Variants in P4HA1 observed in about 807,000 individuals in gnomAD.
P4HA1 encodes the protein prolyl 4-hydroxylase subunit alpha-1.
Under a neutral mutation model 72.8 loss-of-function variants are expected in P4HA1, and 24 were observed. That is an observed-to-expected ratio of 0.33 (90% confidence interval 0.24 to 0.46). The LOEUF (loss-of-function observed/expected upper bound fraction) is 0.46, where lower values mean the gene tolerates loss of function less well. Ranked by LOEUF, P4HA1 falls within the 20% of genes least tolerant of loss-of-function variation. P4HA1 has a pLI of 1.00. For missense variants in P4HA1, 446 were observed against 640.6 expected (o/e 0.70, Z 3.28); for synonymous variants, 201 against 218.8 (o/e 0.92, Z 0.72).
At chr10:73,078,233 A>G (rs1004398396) in intron 1 of P4HA1, among the ~76,000 whole-genome samples, 1 of 152,196 alleles carries the variant, frequency 6.6e-6, no homozygotes, top group Non-Finnish European at 1.5e-5. Context: ...TAGTTAGCTC[A>G]ACAAAAAATG....
chr10:73,060,782 A>G (rs970766314), intron 5 of P4HA1, among the ~76,000 whole-genome samples: 3 of 152,222 alleles, frequency 2.0e-5, no homozygotes, highest in African/African-American at 7.2e-5. Context: ...ATCTGAGATC[A>G]AAGTAATACT....
At chr10:73,093,121 T>TA (rs200388165) in intron 1 of P4HA1, among the ~76,000 whole-genome samples, 4,123 of 135,320 alleles carry the variant, frequency 0.03, 78 homozygotes, top group East Asian at 0.048. Flanking sequence ...TCCTATCTCT[T>TA]AAAAAAAAAA....
chr10:73,073,808 G>A lies in P4HA1; in HGVS notation c.96C>T (p.Ile32=), dbSNP rs773283663. The A allele has an allele frequency of 1.9e-6, 3 of 1,559,222 alleles. No homozygotes were observed. The highest frequency in any genetic ancestry group is 8.8e-7 in the Non-Finnish European group (1 of 1,130,940). Reference sequence around the variant, plus strand: ...AAGTCACCAGATCTTTCTCAGTATGGATCAAATCAGTCATCTGACCTAGAA... The same window carrying A: ...AAGTCACCAGATCTTTCTCAGTATGAATCAAATCAGTCATCTGACCTAGAA... ...FTSIGQMTDL[I]HTEKDLVTSL... is the part of the protein sequence containing the mutation. Residue 32 remains isoleucine, a synonymous_variant, in exon 3 of 15, where the codon ATC becomes ATT. Coordinates refer to ENST00000394890, the MANE Select transcript of P4HA1 (RefSeq NM_001017962.3).
intron 1 of P4HA1, among the ~76,000 whole-genome samples, chr10:73,084,932 G>C (rs1209480018): frequency 6.6e-6 from 1 of 152,116 alleles, no homozygotes; most frequent in African/African-American, 2.4e-5. Context: ...TTGAGCTCAA[G>C]AGTTCGAGAC....
In P4HA1 at chr10:73,028,307, AACACACACACACACACACACACACAC is replaced by A. The variant is rs10561551; in HGVS notation, c.1248+1938_1248+1963del. Reference sequence around the variant, plus strand: ...ATGGCATCAAACCGTGTCACTGTAAAACACACACACACACACACACACACACACACACACACACAAAATACATTTTT... The same window carrying A: ...ATGGCATCAAACCGTGTCACTGTAAAACACACACACACAAAATACATTTTT... On this transcript the variant is annotated intron_variant, in intron 10 of 14. Transcript: ENST00000394890. Among the ~76,000 whole-genome samples, 8 of 143,760 alleles carry A rather than the reference AACACACACACACACACACACACACAC, an allele frequency of 5.6e-5. No homozygotes were observed. The South Asian group carries it at 1.6e-3, about 28-fold the overall frequency. The allele number at this position is 143,760 out of a possible 152,430, so 94.3% of individuals were successfully genotyped here. A position where few individuals can be genotyped will look rare whatever the true frequency, so the allele number is the denominator to read the frequency against.
intron 9 of P4HA1, among the ~76,000 whole-genome samples, chr10:73,041,324 C>T (rs1840727644): frequency 6.6e-6 from 1 of 152,002 alleles, no homozygotes; most frequent in Non-Finnish European, 1.5e-5. Flanking sequence ...GCAGGCGGGT[C>T]ACGAGGTCAG....
chr10:73,024,792 A>G (rs1166334665), intron 10 of P4HA1, among the ~76,000 whole-genome samples: 2 of 152,250 alleles, frequency 1.3e-5, no homozygotes, highest in Non-Finnish European at 2.9e-5. Flanking sequence ...GACACAGTAA[A>G]AAATGATAAA....
At chr10:73,016,922 GAAAGA>G (rs778195602) in intron 10 of P4HA1, 23 bp from the exon 11 acceptor site, 1 of 1,590,064 alleles carries the variant, frequency 6.3e-7, no homozygotes, top group Admixed American at 1.7e-5. Context: ...CACAAAGCAT[GAAAGA>G]AAAGAACTAT....
At chr10:73,056,289 T>C (rs1030660748) in intron 5 of P4HA1, among the ~76,000 whole-genome samples, 3 of 152,148 alleles carry the variant, frequency 2.0e-5, no homozygotes, top group Non-Finnish European at 4.4e-5. Flanking sequence ...ATAATTTCAA[T>C]GCTATAGAGA....
At chr10:73,061,321 T>C (rs1251753889) in intron 5 of P4HA1, among the ~76,000 whole-genome samples, 1 of 151,974 alleles carries the variant, frequency 6.6e-6, no homozygotes, top group Non-Finnish European at 1.5e-5. Flanking sequence ...GTAGGAAACA[T>C]AGGCATTAAA....
rs957109532 is a variant in P4HA1 at position 73,041,541 on chromosome 10, C to T, written c.1148+3440G>A. Among the ~76,000 whole-genome samples the T allele has an allele frequency of 1.6e-4, 23 of 146,004 alleles. No individual in the cohort carries two copies. The South Asian group carries it at 4.7e-3, about 30-fold the overall frequency. Reference sequence around the variant, plus strand: ...GGGGGCGACAGAGCAAGACTCCATCCCCCCCCCAAAAAAAAAAAAAAAGAA... The same window carrying T: ...GGGGGCGACAGAGCAAGACTCCATCTCCCCCCCAAAAAAAAAAAAAAAGAA... On this transcript the variant is annotated intron_variant, in intron 9 of 14. Transcript: ENST00000394890.
chr10:73,008,717 G>A (rs1839845834), intron 14 of P4HA1, among the ~76,000 whole-genome samples: 1 of 151,974 alleles, frequency 6.6e-6, no homozygotes, highest in South Asian at 2.1e-4. Flanking sequence ...GCACTCTAAA[G>A]GAACAACTCT....
At chr10:73,090,323 G>A (rs1324443823) in intron 1 of P4HA1, among the ~76,000 whole-genome samples, 1 of 141,616 alleles carries the variant, frequency 7.1e-6, no homozygotes, top group Admixed American at 7.1e-5. Context: ...GTGTAGAGAT[G>A]AAGTCTTTCT....
intron 9 of P4HA1, among the ~76,000 whole-genome samples, chr10:73,039,814 T>A (rs866402528): frequency 6.7e-6 from 1 of 149,070 alleles, no homozygotes; most frequent in Admixed American, 6.7e-5. Flanking sequence ...TTAACTGACA[T>A]CAGAACACGA....
chr10:73,095,807 TA>T (rs1842152262), intron 1 of P4HA1, among the ~76,000 whole-genome samples: 2 of 152,208 alleles, frequency 1.3e-5, no homozygotes, highest in Admixed American at 6.5e-5. Flanking sequence ...CCGGAACGCG[TA>T]AGATGTTAGT....
chr10:73,046,593 T>TA (rs1840871179), intron 8 of P4HA1, among the ~76,000 whole-genome samples: 1 of 152,216 alleles, frequency 6.6e-6, no homozygotes, highest in African/African-American at 2.4e-5. Flanking sequence ...AGCTGGGCTT[T>TA]GAGTAGCCTC....
chr10:73,053,490 T>C lies in P4HA1; in HGVS notation c.564A>G (p.Glu188=), dbSNP rs759684737. 2.0e-5 allele frequency: 33 copies of C among 1,614,026 alleles called. No individual in the cohort carries two copies. The Admixed American group carries it at 3.0e-4, about 15-fold the overall frequency. ...ADYYHTELWM[E]QALRQLDEGE... Reference sequence around the variant, plus strand: ...CTTCATCCAGTTGCCTTAGGGCTTGTTCCATCCACAGTTCCGTATGGTAAT... The same window carrying C: ...CTTCATCCAGTTGCCTTAGGGCTTGCTCCATCCACAGTTCCGTATGGTAAT... Residue 188 remains glutamate, a synonymous_variant, in exon 6 of 15, where the codon GAA becomes GAG. Transcript: ENST00000394890.
In P4HA1 at chr10:73,008,178, A is replaced by G; in HGVS notation, c.*44T>C. On this transcript the variant is annotated 3_prime_UTR_variant, in exon 15 of 15. Coordinates refer to ENST00000394890, the MANE Select transcript of P4HA1 (RefSeq NM_001017962.3). ...TAAGACTAGGAAATGTGTATATCAG[A>G]CACATAAGAGTACAACAATAGGAGA... 8.6e-7 allele frequency: 1 copy of G among 1,169,002 alleles called. No homozygotes were observed. The highest frequency in any genetic ancestry group is 1.3e-5 in the South Asian group (1 of 79,940). 72.4% of individuals were successfully genotyped at this position (1,169,002 alleles called of 1,614,324 possible). A position where few individuals can be genotyped will look rare whatever the true frequency, so the allele number is the denominator to read the frequency against.
At chr10:73,063,699 T>C (rs182203301) in intron 5 of P4HA1, among the ~76,000 whole-genome samples, 2 of 152,136 alleles carry the variant, frequency 1.3e-5, no homozygotes, top group African/African-American at 4.8e-5. Context: ...GCACCAATAA[T>C]TTTTTTTACA....
Sources: allele counts gnomAD v4.1 joint callset (sites outside exome capture counted in the v4.1 genomes callset), GRCh38; gene constraint gnomAD v4.1.1; transcripts MANE v1.5; gene names NCBI Gene and HGNC (gene_info 2026-07-23, HGNC 2026-07-21).